OPCML: variants seen among roughly 807,000 people sequenced by gnomAD.
OPCML encodes opioid-binding protein/cell adhesion molecule.
A neutral mutation model predicts 37.8 loss-of-function variants in OPCML; 13 were observed. That is an observed-to-expected ratio of 0.34 (90% CI 0.22 to 0.55). The LOEUF is 0.55. Ranked by LOEUF, OPCML falls within the 20% of genes least tolerant of loss-of-function variation. The pLI, the probability that OPCML is intolerant of heterozygous loss-of-function variation, is 0.91. For synonymous variants in OPCML, 176 were observed against 168.8 expected (o/e 1.04, Z -0.33); for missense variants, 341 against 435.6 (o/e 0.78, Z 1.93).
At chr11:132,597,152 T>A (rs990108920) in intron 3 of OPCML, among the ~76,000 whole-genome samples, 12 of 152,240 alleles carry the variant, frequency 7.9e-5, no homozygotes, top group African/African-American at 2.9e-4. Flanking sequence ...CATGCCACTT[T>A]GTGAACTCTA....
rs1273768067 is a variant in OPCML, at chr11:133,140,823, AGAC to A, written c.62-197816_62-197814del. ...AAGAAGAAGACGACGACGAAGAAGA[AGAC>A]GACGACGAAGAAGACGACGACGACG... On this transcript the variant is annotated intron_variant, in intron 1 of 7. Coordinates refer to ENST00000524381, the MANE Select transcript of OPCML (RefSeq NM_001012393.5). Among the ~76,000 whole-genome samples the A allele has an allele frequency of 9.5e-5, 3 of 31,698 alleles. 1 individual carries two copies. Among genetic ancestry groups the A allele is most frequent in the African/African-American group, 2.0e-4 (3 of 14,764 alleles). 20.8% of individuals were successfully genotyped at this position (31,698 alleles called of 152,430 possible). A position where few individuals can be genotyped will look rare whatever the true frequency, so the allele number is the denominator to read the frequency against.
At position 133,022,793 on chromosome 11, in the gene OPCML, A is replaced by C. The variant is rs570958234; in HGVS notation, c.62-79783T>G. On this transcript the variant is annotated intron_variant, in intron 1 of 7. Transcript: ENST00000524381. Reference sequence around the variant, plus strand: ...CAATCGATAAGTGGCAAAGAGACCTAACCTAAACTAATCCTTCCCTTCAAA... The same window carrying C: ...CAATCGATAAGTGGCAAAGAGACCTCACCTAAACTAATCCTTCCCTTCAAA... 2.4e-4 allele frequency among the ~76,000 whole-genome samples: 37 copies of C among 152,304 alleles called. No individual in the cohort carries two copies. In the South Asian group the frequency reaches 7.7e-3, roughly 32 times the overall value.
intron 1 of OPCML, among the ~76,000 whole-genome samples, chr11:133,278,273 G>A (rs1306767333): frequency 6.6e-6 from 1 of 152,054 alleles, no homozygotes; most frequent in Non-Finnish European, 1.5e-5. Context: ...AAAGACAGCT[G>A]GAAATGAAGA....
chr11:133,398,976 G>T (rs529968945), intron 1 of OPCML, among the ~76,000 whole-genome samples: 1 of 152,210 alleles, frequency 6.6e-6, no homozygotes, highest in South Asian at 2.1e-4. Context: ...ACAAAAACAT[G>T]CCAGATCCCT....
rs1416604673 is a variant in OPCML at position 133,061,874 on chromosome 11, T to C, written c.62-118864A>G. ...ATCCAAGCACACTTAAGTGCATGCA[T>C]AAATGGGACACTAAACAGAAATTGA... On this transcript the variant is annotated intron_variant, in intron 1 of 7. Transcript: ENST00000524381. Among the ~76,000 whole-genome samples, 9 of 130,796 alleles carry C rather than the reference T, an allele frequency of 6.9e-5. No individual in the cohort carries two copies. In the Admixed American group the frequency reaches 8.4e-4, roughly 12 times the overall value. The allele number at this position is 130,796 out of a possible 152,430, so 85.8% of individuals were successfully genotyped here.
At chr11:132,898,974 T>C (rs2659605) in intron 2 of OPCML, among the ~76,000 whole-genome samples, 36,490 of 151,948 alleles carry the variant, frequency 0.24, 4,878 homozygotes, top group African/African-American at 0.34. Context: ...TAAGGAAGAC[T>C]ATGCCTGGAA....
intron 1 of OPCML, among the ~76,000 whole-genome samples, chr11:133,325,076 G>T (rs957021733): frequency 2.0e-5 from 3 of 152,170 alleles, no homozygotes; most frequent in African/African-American, 7.2e-5. Context: ...GAGGGGAGGG[G>T]AGACGAAGGT....
intron 3 of OPCML, among the ~76,000 whole-genome samples, chr11:132,568,562 T>TGACAGA (rs985232728): frequency 6.6e-6 from 1 of 152,112 alleles, no homozygotes; most frequent in African/African-American, 2.4e-5. Flanking sequence ...TGCCGAGTGA[T>TGACAGA]GACAGAGACA....
At chr11:133,094,549 A>C (rs1027175168) in intron 1 of OPCML, among the ~76,000 whole-genome samples, 4 of 152,180 alleles carry the variant, frequency 2.6e-5, no homozygotes, top group Admixed American at 6.5e-5. Context: ...ACAAACAAAA[A>C]TTTGCTCAGA....
At chr11:133,487,611 ACACCACTCTG>A (rs1947557399) in intron 1 of OPCML, among the ~76,000 whole-genome samples, 1 of 152,098 alleles carries the variant, frequency 6.6e-6, no homozygotes, top group Non-Finnish European at 1.5e-5. Flanking sequence ...AGTCCTCCCC[ACACCACTCTG>A]CACAATGTTT....
At chr11:132,686,251 A>G (rs776547288) in intron 2 of OPCML, among the ~76,000 whole-genome samples, 1 of 152,192 alleles carries the variant, frequency 6.6e-6, no homozygotes. Flanking sequence ...ACAATCCCAA[A>G]TACAACAACA....
At chr11:132,964,649 G>C (rs943670285) in intron 1 of OPCML, among the ~76,000 whole-genome samples, 2 of 152,100 alleles carry the variant, frequency 1.3e-5, no homozygotes, top group South Asian at 4.2e-4. Context: ...CTCCTGCCCA[G>C]TCGCTACCAT....
intron 2 of OPCML, among the ~76,000 whole-genome samples, chr11:132,735,036 T>C (rs1025785949): frequency 6.6e-6 from 1 of 152,072 alleles, no homozygotes; most frequent in African/African-American, 2.4e-5. Context: ...CCAGGCAGAG[T>C]TGAAGGTGTA....
intron 1 of OPCML, among the ~76,000 whole-genome samples, chr11:133,060,473 G>A (rs185249653): frequency 7.2e-4 from 110 of 152,248 alleles, no homozygotes; most frequent in African/African-American, 2.4e-3. Context: ...CAGTGCCTGC[G>A]TGCAGGTCTA....
In OPCML at chr11:132,479,437, G is replaced by C. The variant is rs370635712; in HGVS notation, c.506-42078C>G. 2.3e-4 allele frequency among the ~76,000 whole-genome samples: 35 copies of C among 152,316 alleles called. No homozygotes were observed. The East Asian group carries it at 6.8e-3, about 29-fold the overall frequency. ...TGAGCTCAAACTGCAAGGCAGCAGCGAGGCTGGGGAAGGGGCGCCCACCAT... is the reference window on the plus strand; with the variant it reads ...TGAGCTCAAACTGCAAGGCAGCAGCCAGGCTGGGGAAGGGGCGCCCACCAT... On this transcript the variant is annotated intron_variant, in intron 4 of 7. Transcript: ENST00000524381.
intron 1 of OPCML, among the ~76,000 whole-genome samples, chr11:133,365,048 T>TCACACACACACACACA (rs3220326): frequency 2.0e-5 from 3 of 146,472 alleles, no homozygotes; most frequent in African/African-American, 7.6e-5. Flanking sequence ...TCTCTCTCTT[T>TCACACACACACACACA]CACACACACA....
intron 1 of OPCML, among the ~76,000 whole-genome samples, chr11:133,116,054 C>T (rs1434894570): frequency 2.0e-5 from 3 of 152,144 alleles, no homozygotes; most frequent in South Asian, 2.1e-4. Flanking sequence ...ACTGCTACCT[C>T]TGCCTCTGGG....
chr11:132,580,714 A>G (rs2096460393), intron 3 of OPCML, among the ~76,000 whole-genome samples: 1 of 152,188 alleles, frequency 6.6e-6, no homozygotes, highest in South Asian at 2.1e-4. Context: ...TTTAGTTCTT[A>G]CACCTATGGT....
intron 3 of OPCML, among the ~76,000 whole-genome samples, chr11:132,653,698 C>A (rs1941551138): frequency 1.3e-5 from 2 of 152,130 alleles, no homozygotes; most frequent in African/African-American, 4.8e-5. Context: ...AAAGGGCAGG[C>A]AGGAAAGTTG....
Sources: allele counts gnomAD v4.1 joint callset (sites outside exome capture counted in the v4.1 genomes callset), GRCh38; gene constraint gnomAD v4.1.1; transcripts MANE v1.5; gene names NCBI Gene and HGNC (gene_info 2026-07-23, HGNC 2026-07-21).